ITGAE: variants seen among roughly 807,000 people sequenced by gnomAD.
The protein encoded by ITGAE is integrin alpha-E.
ITGAE carries 99 observed loss-of-function variants against 136.5 expected under a neutral mutation model. The observed-to-expected ratio is 0.73, with a 90% confidence interval of 0.62 to 0.86. ITGAE has a LOEUF of 0.86. Among genes scored for constraint, ITGAE ranks in the 40% least tolerant of loss-of-function variants. ITGAE has a pLI of 0.00. For missense variants in ITGAE, 1,447 were observed against 1,515.3 expected (o/e 0.95, Z 0.75); for synonymous variants, 613 against 591.8 (o/e 1.04, Z -0.52).
chr17:3,720,858 C>T (rs2051035629), intron 28 of ITGAE, among the ~76,000 whole-genome samples: 1 of 152,180 alleles, frequency 6.6e-6, no homozygotes, highest in Non-Finnish European at 1.5e-5. Flanking sequence ...GCTGGGATTA[C>T]AGGCGTGAGC....
chr17:3,731,255 G>A (rs2051335737), intron 22 of ITGAE, 72 bp from the exon 23 acceptor site: 10 of 1,137,228 alleles, frequency 8.8e-6, no homozygotes, highest in South Asian at 3.7e-5. Flanking sequence ...CTAGCTACTC[G>A]TGGAACAGAC....
At chr17:3,761,620 C>G in intron 4 of ITGAE, 100 bp from the exon 5 acceptor site, 1 of 1,124,372 alleles carries the variant, frequency 8.9e-7, no homozygotes, top group Non-Finnish European at 1.3e-6. Context: ...GTGGCTCAAC[C>G]AGGCAGGGGG....
Position 3,753,378 on chromosome 17 carries a change from C to A in ITGAE, c.1580G>T (p.Gly527Val), listed in dbSNP as rs1172974055. 2 of 1,614,082 alleles carry A rather than the reference C, an allele frequency of 1.2e-6. No homozygotes were observed. Among genetic ancestry groups the A allele is most frequent in the Admixed American group, 3.3e-5 (2 of 59,998 alleles). The part of the protein sequence containing the change: ...ELCPVDIDMD[G>V]STDFLLVAAP... ...AGCCACCAGCAAGAAGTCCGTGCTT[C>A]CATCCATGTCAATGTCCACAGGGCA... is the stretch of plus-strand genomic sequence containing the variant. Residue 527 changes from glycine to valine, a missense_variant, in exon 14 of 31, where the codon GGA (glycine) becomes GTA (valine). By Grantham distance (109) the Gly-to-Val change is moderately radical. This residue lies in a region of ITGAE where 1,031 missense variants were observed against 1,011.4 expected (regional missense o/e 1.02). Coordinates refer to ENST00000263087, the MANE Select transcript of ITGAE (RefSeq NM_002208.5).
chr17:3,797,617 T>C (rs943685089), intron 1 of ITGAE, among the ~76,000 whole-genome samples: 1 of 151,832 alleles, frequency 6.6e-6, no homozygotes, highest in Non-Finnish European at 1.5e-5. Context: ...CGCACCACCA[T>C]GCCTGGCTCA....
At chr17:3,745,088 T>C (rs1191652501) in intron 18 of ITGAE, among the ~76,000 whole-genome samples, 1 of 152,118 alleles carries the variant, frequency 6.6e-6, no homozygotes, top group Non-Finnish European at 1.5e-5. Context: ...CCCGACATAC[T>C]TTTTTTACCC....
chr17:3,732,360 C>CGACTCACAGAT lies in ITGAE; in HGVS notation c.2751_2754+7dup. ...GTGAGAAGAGCGAATCAGTCCAAAC[C>CGACTCACAGAT]GACTCACAGATGACCTCTTGAGGAC... On this transcript the variant is annotated splice_region_variant and intron_variant, in intron 22 of 30. Transcript: ENST00000263087. The CGACTCACAGAT allele has an allele frequency of 3.7e-6, 6 of 1,608,932 alleles. No individual in the cohort carries two copies. The highest frequency in any genetic ancestry group is 4.3e-6 in the Non-Finnish European group (5 of 1,175,348).
intron 26 of ITGAE, chr17:3,725,283 C>CT (rs778980875): frequency 1.2e-4 from 200 of 1,614,090 alleles, no homozygotes; most frequent in Non-Finnish European, 7.4e-5. Context: ...CTTAAACACT[C>CT]TAAGTATTTC....
chr17:3,795,944 CGT>C (rs1172818667), intron 1 of ITGAE, among the ~76,000 whole-genome samples: 17 of 107,080 alleles, frequency 1.6e-4, no homozygotes, highest in African/African-American at 3.7e-4. Flanking sequence ...TGTGTGCATC[CGT>C]GTGTGCATCC....
chr17:3,759,942 A>G (rs773846399), intron 7 of ITGAE, among the ~76,000 whole-genome samples: 5 of 152,196 alleles, frequency 3.3e-5, no homozygotes, highest in Admixed American at 6.5e-5. Flanking sequence ...CTAAAGACAC[A>G]TGGTCCAGAC....
chr17:3,729,367 AGG>A, intron 24 of ITGAE, 109 bp downstream of exon 24: 1 of 775,934 alleles, frequency 1.3e-6, no homozygotes, highest in East Asian at 2.5e-5. Context: ...TCCTCTCAGA[AGG>A]ACAGTGTCCA....
At chr17:3,794,926 A>AC (rs146853508) in intron 1 of ITGAE, among the ~76,000 whole-genome samples, 3,781 of 149,840 alleles carry the variant, frequency 0.025, 155 homozygotes, top group African/African-American at 0.088. Context: ...CGTCCGTGGC[A>AC]CCCCCCCGCT....
intron 24 of ITGAE, 199 bp from the exon 25 acceptor site, chr17:3,728,367 C>CT: frequency 3.5e-6 from 1 of 288,286 alleles, no homozygotes; most frequent in Non-Finnish European, 6.3e-6. Context: ...TACACTCATC[C>CT]CTTTTTTTTT....
At chr17:3,723,829 T>A (rs1286352437) in intron 26 of ITGAE, 85 bp from the exon 27 acceptor site, 3 of 1,552,022 alleles carry the variant, frequency 1.9e-6, no homozygotes, top group Non-Finnish European at 2.6e-6. Context: ...CCTGGCGAGG[T>A]GCGCATGCGC....
Position 3,761,914 on chromosome 17 carries a change from C to A in ITGAE, c.315+1G>T. The A allele has an allele frequency of 6.2e-7, 1 of 1,613,828 alleles. No individual in the cohort carries two copies. The highest frequency in any genetic ancestry group is 8.5e-7 in the Non-Finnish European group (1 of 1,179,836). On this transcript the variant is annotated splice_donor_variant, in intron 4 of 30. Coordinates refer to ENST00000263087, the MANE Select transcript of ITGAE (RefSeq NM_002208.5). LOFTEE classifies it high-confidence loss of function. ...CTCCCTCCTCTCGCTCCTGCACTCA[C>A]CAAAACACCGTGGTGGCTCCGGACA...
At chr17:3,785,500 A>AAGG (rs1567557152) in intron 1 of ITGAE, among the ~76,000 whole-genome samples, 1 of 50,392 alleles carries the variant, frequency 2.0e-5, no homozygotes, top group East Asian at 3.4e-4. Context: ...AGGAAGGAGG[A>AAGG]AGGAAGGAAG....
Position 3,799,874 on chromosome 17 carries a change from C to T in ITGAE, c.34+1237G>A, listed in dbSNP as rs1473229725. Among the ~76,000 whole-genome samples, 2 of 152,180 alleles carry T rather than the reference C, an allele frequency of 1.3e-5. No homozygotes were observed. Among genetic ancestry groups the T allele is most frequent in the South Asian group, 2.1e-4 (1 of 4,836 alleles). ...GCAAGGTGGCTCATGCCTGTAGTCC[C>T]AACACTTTGGGAGGCCGAGGCAGGT... On this transcript the variant is annotated intron_variant, in intron 1 of 30. Transcript: ENST00000263087. This position sits in a 1 kb window ranked among gnomAD's most constrained non-coding sequence, Gnocchi z 4.1.
intron 8 of ITGAE, among the ~76,000 whole-genome samples, chr17:3,758,230 T>C (rs1167572830): frequency 6.6e-6 from 1 of 152,156 alleles, no homozygotes; most frequent in East Asian, 1.9e-4. Flanking sequence ...ACAAAATCTA[T>C]CAGGCAAGTG....
In ITGAE at chr17:3,716,818, C is replaced by A. The variant is rs190697833; in HGVS notation, c.3334-20G>T. On this transcript the variant is annotated intron_variant, in intron 29 of 30. Transcript: ENST00000263087. Reference sequence around the variant, plus strand: ...AGTGATCTAGACAAGACAAAGAGATCGCCCAATAAATCAGGTGAAGCAAAC... The same window carrying A: ...AGTGATCTAGACAAGACAAAGAGATAGCCCAATAAATCAGGTGAAGCAAAC... 246 of 1,355,152 alleles carry A rather than the reference C, an allele frequency of 1.8e-4. No individual in the cohort carries two copies. Among genetic ancestry groups the A allele is most frequent in the Non-Finnish European group, 2.4e-4 (233 of 953,112 alleles). 83.9% of individuals were successfully genotyped at this position (1,355,152 alleles called of 1,614,324 possible).
At chr17:3,760,743 A>G (rs189557613) in intron 6 of ITGAE, among the ~76,000 whole-genome samples, 1 of 152,208 alleles carries the variant, frequency 6.6e-6, no homozygotes, top group Non-Finnish European at 1.5e-5. Context: ...CCTGGCCCCA[A>G]GAGAGAAGCT....
Sources: allele counts gnomAD v4.1 joint callset (sites outside exome capture counted in the v4.1 genomes callset), GRCh38; gene constraint gnomAD v4.1.1; regional missense constraint gnomAD v4.1.1; non-coding constraint Gnocchi (gnomAD v3.1); transcripts MANE v1.5; gene names NCBI Gene and HGNC (gene_info 2026-07-23, HGNC 2026-07-21).